The following UBE2E2 variants were observed in gnomAD, a reference collection of about 807,000 sequenced individuals.
The protein encoded by UBE2E2 is ubiquitin conjugating enzyme E2 E2.
Under a neutral mutation model 24.7 loss-of-function variants are expected in UBE2E2, and 6 were observed. That is an observed-to-expected ratio of 0.24 (90% confidence interval 0.13 to 0.48). UBE2E2 has a LOEUF of 0.48. UBE2E2 is among the 20% of genes least tolerant of loss of function. UBE2E2 has a pLI of 0.99. For synonymous variants in UBE2E2, 104 were observed against 83.6 expected (o/e 1.24, Z -1.33); for missense variants, 169 against 245.0 (o/e 0.69, Z 2.07).
At chr3:23,422,859 G>A (rs1322885214) in intron 3 of UBE2E2, among the ~76,000 whole-genome samples, 1 of 152,060 alleles carries the variant, frequency 6.6e-6, no homozygotes, top group Non-Finnish European at 1.5e-5. Context: ...TAGGTAAGAT[G>A]ACATTTCAAG....
At chr3:23,571,280 C>CTTTTTTGTTTTTTTTTTT (rs1696218943) in intron 5 of UBE2E2, among the ~76,000 whole-genome samples, 1 of 29,866 alleles carries the variant, frequency 3.3e-5, no homozygotes, top group Non-Finnish European at 6.6e-5. Flanking sequence ...GTGCTCCTTT[C>CTTTTTTGTTTTTTTTTTT]TTTTTTTTTT....
At chr3:23,537,839 T>C (rs539047299) in intron 5 of UBE2E2, among the ~76,000 whole-genome samples, 9 of 152,356 alleles carry the variant, frequency 5.9e-5, no homozygotes, top group African/African-American at 1.4e-4. Flanking sequence ...TAGTGACTGC[T>C]GGTGGGTGGG....
intron 3 of UBE2E2, among the ~76,000 whole-genome samples, chr3:23,416,326 A>G (rs1238854701): frequency 6.6e-6 from 1 of 152,184 alleles, no homozygotes; most frequent in Non-Finnish European, 1.5e-5. Flanking sequence ...GTTTGGCTGG[A>G]TGTGAAATTC....
intron 3 of UBE2E2, among the ~76,000 whole-genome samples, chr3:23,240,564 C>T (rs962170268): frequency 5.9e-5 from 9 of 152,184 alleles, no homozygotes; most frequent in African/African-American, 1.9e-4. Context: ...GGCACACAGC[C>T]ACACTGTTTA....
intron 3 of UBE2E2, among the ~76,000 whole-genome samples, chr3:23,445,883 G>C (rs1187927530): frequency 6.6e-6 from 1 of 152,158 alleles, no homozygotes; most frequent in Non-Finnish European, 1.5e-5. Context: ...CTAGCAGAAA[G>C]TTCTTCTCTG....
intron 3 of UBE2E2, among the ~76,000 whole-genome samples, chr3:23,240,517 A>T (rs747898946): frequency 1.3e-5 from 2 of 152,250 alleles, no homozygotes; most frequent in Non-Finnish European, 2.9e-5. Flanking sequence ...TATTTGGTTT[A>T]GGGAGAAAAT....
chr3:23,505,329 T>A (rs895437610), intron 4 of UBE2E2, among the ~76,000 whole-genome samples: 3 of 152,132 alleles, frequency 2.0e-5, no homozygotes, highest in African/African-American at 7.2e-5. Context: ...CATTTTTAAT[T>A]TAGCTTTTTC....
chr3:23,388,353 T>A (rs1696854408), intron 3 of UBE2E2, among the ~76,000 whole-genome samples: 1 of 152,234 alleles, frequency 6.6e-6, no homozygotes. Context: ...CATTTGGGGA[T>A]ATTCTCTCTG....
At chr3:23,578,874 G>T (rs936928284) in intron 5 of UBE2E2, among the ~76,000 whole-genome samples, 1 of 152,094 alleles carries the variant, frequency 6.6e-6, no homozygotes, top group East Asian at 1.9e-4. Context: ...ACCATGGCAC[G>T]TGTTTATCTG....
intron 3 of UBE2E2, among the ~76,000 whole-genome samples, chr3:23,392,812 TATG>T (rs1696971287): frequency 1.3e-5 from 2 of 152,190 alleles, no homozygotes; most frequent in Non-Finnish European, 2.9e-5. Context: ...TTCCTTGAGA[TATG>T]ATATGGGTCT....
intron 1 of UBE2E2, among the ~76,000 whole-genome samples, chr3:23,203,731 C>G (rs986946825): frequency 6.8e-6 from 1 of 147,364 alleles, no homozygotes; most frequent in Admixed American, 6.8e-5. Context: ...CCTTCTACCC[C>G]CTTCCGTTCT....
In UBE2E2 at chr3:23,381,382, A is replaced by G. The variant is rs1448590450; in HGVS notation, c.228-118226A>G. On this transcript the variant is annotated intron_variant, in intron 3 of 5. Transcript: ENST00000396703. ...AATCTATAATTTTCACTGTCCATGG[A>G]GAAGAAAAAAATGTCATTTGATCAT... Among the ~76,000 whole-genome samples, 7 of 150,700 alleles carry G rather than the reference A, an allele frequency of 4.6e-5. No individual in the cohort carries two copies. In the East Asian group the frequency reaches 1.4e-3, roughly 30 times the overall value.
chr3:23,520,770 G>A (rs1470442930), intron 4 of UBE2E2, among the ~76,000 whole-genome samples: 5 of 152,080 alleles, frequency 3.3e-5, no homozygotes, highest in Non-Finnish European at 4.4e-5. Context: ...AGCCTCCCAA[G>A]TAGCTAGTAA....
At chr3:23,251,181 T>A (rs1013632070) in intron 3 of UBE2E2, among the ~76,000 whole-genome samples, 1 of 152,198 alleles carries the variant, frequency 6.6e-6, no homozygotes, top group African/African-American at 2.4e-5. Flanking sequence ...TGTATCAGCT[T>A]CAGGGAGCTG....
intron 4 of UBE2E2, among the ~76,000 whole-genome samples, chr3:23,500,947 G>A (rs1699707325): frequency 6.6e-6 from 1 of 151,812 alleles, no homozygotes; most frequent in Non-Finnish European, 1.5e-5. Flanking sequence ...AAGCTGTCAG[G>A]GCTGGTGGCA....
chr3:23,271,272 C>A (rs1247412284), intron 3 of UBE2E2: 2 of 308,692 alleles, frequency 6.5e-6, no homozygotes, highest in Non-Finnish European at 1.3e-5. Context: ...TTTGTTCCTT[C>A]AGATGTTCAG....
chr3:23,446,720 T>TTTA (rs1553612084), intron 3 of UBE2E2, among the ~76,000 whole-genome samples: 16,692 of 145,006 alleles, frequency 0.12, 1,197 homozygotes, highest in East Asian at 0.24. Flanking sequence ...TTTTTTTTTT[T>TTTA]ATCCGTAGGG....
chr3:23,237,994 A>G (rs913851319), intron 3 of UBE2E2, among the ~76,000 whole-genome samples: 2 of 152,102 alleles, frequency 1.3e-5, no homozygotes, highest in African/African-American at 4.8e-5. Context: ...CAGCTCAACA[A>G]CCATAAATAC....
At chr3:23,269,744 C>G (rs1037035005) in intron 3 of UBE2E2, among the ~76,000 whole-genome samples, 1 of 152,104 alleles carries the variant, frequency 6.6e-6, no homozygotes, top group East Asian at 1.9e-4. Context: ...CATTAGAGCT[C>G]TTCATGGGTA....
Sources: gnomAD v4.1 joint callset for allele counts (sites outside exome capture counted in the v4.1 genomes callset) on GRCh38, gnomAD v4.1.1 for gene constraint, MANE v1.5 for transcripts, NCBI Gene and HGNC (gene_info 2026-07-23, HGNC 2026-07-21) for gene names.